AMMECR1L: variants seen among roughly 807,000 people sequenced by gnomAD.
The protein encoded by AMMECR1L is AMMECR1 like, also known as AMMECR1-like protein.
AMMECR1L carries 4 observed loss-of-function variants against 36.8 expected under a neutral mutation model. The observed-to-expected ratio is 0.11, with a 90% CI of 0.05 to 0.25. The LOEUF is 0.25. Among genes scored for constraint, AMMECR1L ranks in the 10% least tolerant of loss-of-function variants. AMMECR1L has a pLI of 1.00. For missense variants in AMMECR1L, 232 were observed against 392.1 expected, an observed-to-expected ratio of 0.59 and a Z score of 3.45; for synonymous variants, 147 against 148.0, an observed-to-expected ratio of 0.99 and a Z score of 0.05.
At position 127,871,838 on chromosome 2, in the gene AMMECR1L, C is replaced by T. The variant is rs372094890; in HGVS notation, c.408-479G>A. The stretch of plus-strand genomic sequence containing the variant: ...CCCCTGACAACTACAAATATTTCCA[C>T]TCACAAATTTTCAGAAAAAAAAGTT... On this transcript the variant is annotated intron_variant, in intron 3 of 7. Coordinates refer to ENST00000272647, the MANE Select transcript of AMMECR1L (RefSeq NM_001199140.2). The surrounding 1 kb of genome is among the most constrained non-coding windows in gnomAD (Gnocchi z 4.3). 6.6e-6 allele frequency among the ~76,000 whole-genome samples: 1 copy of T among 152,008 alleles called. No individual in the cohort carries two copies. Among genetic ancestry groups the T allele is most frequent in the Non-Finnish European group, 1.5e-5 (1 of 68,016 alleles).
intron 1 of AMMECR1L, chr2:127,885,269 G>T (rs1383833834): frequency 1.0e-6 from 1 of 984,004 alleles, no homozygotes; most frequent in African/African-American, 1.7e-5. Flanking sequence ...GGAAAAGCGG[G>T]CCGAGGGACA....
chr2:127,874,383 T>C lies in AMMECR1L; in HGVS notation c.-38-111A>G. ...ACCAGCTAAGAGCTGTCAAATTCTT[T>C]CTCCCACTCAACCTCCAGGTCACAG... On this transcript the variant is annotated intron_variant, in intron 2 of 7. Transcript: ENST00000272647. This position sits in a 1 kb window ranked among gnomAD's most constrained non-coding sequence, Gnocchi z 5.2. The C allele has an allele frequency of 9.7e-7, 1 of 1,031,382 alleles. No homozygotes were observed. Among genetic ancestry groups the C allele is most frequent in the Non-Finnish European group, 1.4e-6 (1 of 727,692 alleles). 63.9% of individuals were successfully genotyped at this position (1,031,382 alleles called of 1,614,324 possible). A position where few individuals can be genotyped will look rare whatever the true frequency, so the allele number is the denominator to read the frequency against.
chr2:127,869,644 C>A lies in AMMECR1L; in HGVS notation c.634-100G>T, dbSNP rs1370699587. On this transcript the variant is annotated intron_variant, in intron 5 of 7. Coordinates refer to ENST00000272647, the MANE Select transcript of AMMECR1L (RefSeq NM_001199140.2). This position sits in a 1 kb window ranked among gnomAD's most constrained non-coding sequence, Gnocchi z 4.7. ...ACATTGTTCCCTGACCAGCTTAACA[C>A]AGGCCTGGAAAAGGGAGACCTTCTC... 4.0e-6 allele frequency: 4 copies of A among 1,008,404 alleles called. No individual in the cohort carries two copies. Among genetic ancestry groups the A allele is most frequent in the Non-Finnish European group, 6.2e-6 (4 of 647,196 alleles). 62.5% of individuals were successfully genotyped at this position (1,008,404 alleles called of 1,614,324 possible). A position where few individuals can be genotyped will look rare whatever the true frequency, so the allele number is the denominator to read the frequency against.
intron 2 of AMMECR1L, among the ~76,000 whole-genome samples, chr2:127,878,055 T>C (rs1691329545): frequency 6.6e-6 from 1 of 152,034 alleles, no homozygotes; most frequent in Admixed American, 6.6e-5. Flanking sequence ...TAAGACCCTG[T>C]CTCAAAATAA....
intron 2 of AMMECR1L, among the ~76,000 whole-genome samples, chr2:127,875,217 A>G (rs1691172365): frequency 6.6e-6 from 1 of 152,138 alleles, no homozygotes; most frequent in Non-Finnish European, 1.5e-5. Flanking sequence ...CCATAACACA[A>G]CTAAGGTCCT....
chr2:127,870,783 G>C, intron 5 of AMMECR1L, 31 bp downstream of exon 5: 1 of 1,554,968 alleles, frequency 6.4e-7, no homozygotes, highest in Non-Finnish European at 8.8e-7. Context: ...TGCAACGAGA[G>C]ATGCAGAGTT....
intron 1 of AMMECR1L, chr2:127,885,172 A>G: frequency 1.0e-6 from 1 of 985,254 alleles, no homozygotes. Context: ...GGAGGGCCCA[A>G]GAGTAGGGGT....
Position 127,865,050 on chromosome 2 carries a change from C to A in AMMECR1L, c.*44G>T. 1 of 1,388,360 alleles carries A rather than the reference C, an allele frequency of 7.2e-7. No homozygotes were observed. Among genetic ancestry groups the A allele is most frequent in the South Asian group, 1.2e-5 (1 of 84,470 alleles). 86.0% of individuals were successfully genotyped at this position (1,388,360 alleles called of 1,614,324 possible). Reference sequence around the variant, plus strand: ...GCATCTGCTCCAATGATGTCATAGCCATTGGTGGCCACGGGGGGGTGGGAC... The same window carrying A: ...GCATCTGCTCCAATGATGTCATAGCAATTGGTGGCCACGGGGGGGTGGGAC... On this transcript the variant is annotated 3_prime_UTR_variant, in exon 8 of 8. Coordinates refer to ENST00000272647, the MANE Select transcript of AMMECR1L (RefSeq NM_001199140.2). The surrounding 1 kb of genome is among the most constrained non-coding windows in gnomAD (Gnocchi z 5.4).
intron 2 of AMMECR1L, among the ~76,000 whole-genome samples, chr2:127,879,464 T>A (rs1383365789): frequency 6.6e-6 from 1 of 152,224 alleles, no homozygotes; most frequent in Non-Finnish European, 1.5e-5. Flanking sequence ...CAGAAGCAGA[T>A]GCTGCTATGC....
At position 127,873,892 on chromosome 2, in the gene AMMECR1L, C is replaced by T. The variant is rs756760101; in HGVS notation, c.343G>A (p.Val115Ile). Residue 115 changes from valine (V) to isoleucine (I), a missense_variant, in exon 3 of 8, where the codon GTA becomes ATA. Around this residue, in one of 3 missense-constraint regions of AMMECR1L, gnomAD observed 83 missense variants for 229.5 expected, o/e 0.36. Transcript: ENST00000272647. The surrounding 1 kb of genome is among the most constrained non-coding windows in gnomAD (Gnocchi z 5.2). Reference sequence around the variant, plus strand: ...AAGCCATAGAGGTGACAGTAGAGTACGTCGAAGCAGTAGCAGCACATCTCT... The same window carrying T: ...AAGCCATAGAGGTGACAGTAGAGTATGTCGAAGCAGTAGCAGCACATCTCT... ...TAEMCCYCFD[V>I]LYCHLYGFPQ... is the part of the protein sequence containing the mutation. 4.3e-5 allele frequency: 69 copies of T among 1,614,014 alleles called. 1 individual carries two copies. In the South Asian group the frequency reaches 5.9e-4, roughly 14 times the overall value.
chr2:127,868,748 T>A (rs1268814595), intron 6 of AMMECR1L, among the ~76,000 whole-genome samples: 3 of 151,644 alleles, frequency 2.0e-5, no homozygotes, highest in Non-Finnish European at 4.4e-5. Context: ...TTTTTGGAGA[T>A]GGAGGCTCGC....
rs1691094412 is a variant in AMMECR1L at position 127,873,642 on chromosome 2, C to T, written c.407+186G>A. The T allele has an allele frequency of 1.0e-6, 1 of 985,470 alleles. No individual in the cohort carries two copies. 61.0% of individuals were successfully genotyped at this position (985,470 alleles called of 1,614,324 possible). A position where few individuals can be genotyped will look rare whatever the true frequency, so the allele number is the denominator to read the frequency against. On this transcript the variant is annotated intron_variant, in intron 3 of 7. Transcript: ENST00000272647. This position sits in a 1 kb window ranked among gnomAD's most constrained non-coding sequence, Gnocchi z 5.2. ...TACAGCCTCCTCCAAATGTGAACTGCTCCCTTCCATTACTGAATCCACTGA... is the reference window on the plus strand; with the variant it reads ...TACAGCCTCCTCCAAATGTGAACTGTTCCCTTCCATTACTGAATCCACTGA...
intron 2 of AMMECR1L, among the ~76,000 whole-genome samples, chr2:127,880,759 C>T (rs886527627): frequency 2.1e-5 from 3 of 142,258 alleles, no homozygotes; most frequent in African/African-American, 7.6e-5. Context: ...TAACATGGTG[C>T]CCTACATACA....
Position 127,874,205 on chromosome 2 carries a change from G to A in AMMECR1L, c.30C>T (p.Leu10=), listed in dbSNP as rs201713365. 73 of 1,614,196 alleles carry A rather than the reference G, an allele frequency of 4.5e-5. No homozygotes were observed. The East Asian group carries it at 1.2e-3, about 26-fold the overall frequency. The change falls in exon 3 of 8, where the codon CTC becomes CTT. Residue 10 remains leucine (L), a synonymous_variant. Transcript: ENST00000272647. The surrounding 1 kb of genome is among the most constrained non-coding windows in gnomAD (Gnocchi z 5.2). ...AACAGCCTGCTGCCAACTTGGGCTCGAGTGGAGGAACACAACGTCTTTTTC... is the reference window on the plus strand; with the variant it reads ...AACAGCCTGCTGCCAACTTGGGCTCAAGTGGAGGAACACAACGTCTTTTTC... The part of the protein sequence containing the change: MGKRRCVPP[L]EPKLAAGCCG...
intron 2 of AMMECR1L, among the ~76,000 whole-genome samples, chr2:127,877,608 T>C (rs1204852782): frequency 1.3e-5 from 2 of 152,120 alleles, no homozygotes; most frequent in African/African-American, 2.4e-5. Context: ...AATGCTGGGA[T>C]TACAGGCATG....
rs894672721 is a variant in AMMECR1L, at chr2:127,863,377, C to T, written c.*1717G>A. On this transcript the variant is annotated 3_prime_UTR_variant, in exon 8 of 8. Coordinates refer to ENST00000272647, the MANE Select transcript of AMMECR1L (RefSeq NM_001199140.2). ...TCACCCACGTTTCCCTCGCACGTCCCAGGTCCTCTCGAGCAGCACAGGACG... is the reference window on the plus strand; with the variant it reads ...TCACCCACGTTTCCCTCGCACGTCCTAGGTCCTCTCGAGCAGCACAGGACG... 2.0e-5 allele frequency: 3 copies of T among 152,508 alleles called. No homozygotes were observed. In the East Asian group the frequency reaches 5.8e-4, roughly 29 times the overall value. 9.4% of individuals were successfully genotyped at this position (152,508 alleles called of 1,614,324 possible).
chr2:127,882,563 T>C (rs999612300), intron 2 of AMMECR1L, among the ~76,000 whole-genome samples: 1 of 152,142 alleles, frequency 6.6e-6, no homozygotes, highest in Non-Finnish European at 1.5e-5. Context: ...GTGAAAATTT[T>C]CCCCCACAAA....
At chr2:127,881,281 A>G (rs186310673) in intron 2 of AMMECR1L, among the ~76,000 whole-genome samples, 1 of 149,920 alleles carries the variant, frequency 6.7e-6, no homozygotes, top group African/African-American at 2.4e-5. Flanking sequence ...AATACAAACT[A>G]TTTCTCATAC....
At chr2:127,875,387 C>G (rs1403038117) in intron 2 of AMMECR1L, among the ~76,000 whole-genome samples, 2 of 151,902 alleles carry the variant, frequency 1.3e-5, no homozygotes, top group Non-Finnish European at 2.9e-5. Flanking sequence ...GAAAGAAGGG[C>G]AAGTGGGGGG....
Sources: allele counts gnomAD v4.1 joint callset (sites outside exome capture counted in the v4.1 genomes callset), GRCh38; gene constraint gnomAD v4.1.1; regional missense constraint gnomAD v4.1.1; non-coding constraint Gnocchi (gnomAD v3.1); transcripts MANE v1.5; gene names NCBI Gene and HGNC (gene_info 2026-07-23, HGNC 2026-07-21).